Variants in TNIK observed in about 807,000 individuals in gnomAD.
TNIK encodes TRAF2 and NCK-interacting protein kinase.
In TNIK, 49 loss-of-function variants were observed where a neutral mutation model predicts 191.3. That is an observed-to-expected ratio of 0.26 (90% CI 0.20 to 0.32). TNIK has a LOEUF of 0.32. TNIK is among the 10% of genes least tolerant of loss of function. The pLI, the probability that TNIK is intolerant of heterozygous loss-of-function variation, is 1.00. For missense variants in TNIK, 1,155 were observed against 1,702.3 expected (o/e 0.68, Z 5.66); for synonymous variants, 594 against 600.9 (o/e 0.99, Z 0.17).
At chr3:171,231,447 T>A (rs528931386) in intron 2 of TNIK, among the ~76,000 whole-genome samples, 1 of 152,308 alleles carries the variant, frequency 6.6e-6, no homozygotes, top group South Asian at 2.1e-4. Context: ...GTCTGACAGC[T>A]AACTGAAAAA....
intron 3 of TNIK, among the ~76,000 whole-genome samples, chr3:171,226,421 A>C (rs1742974328): frequency 1.3e-5 from 2 of 152,166 alleles, no homozygotes; most frequent in South Asian, 4.1e-4. Flanking sequence ...AGAATGATGG[A>C]GCAGAAAGAT....
intron 10 of TNIK, among the ~76,000 whole-genome samples, chr3:171,164,456 C>G (rs1471413706): frequency 6.6e-6 from 1 of 152,216 alleles, no homozygotes; most frequent in Admixed American, 6.5e-5. Context: ...TTATGTCAAG[C>G]ATTTTAAATG....
chr3:171,394,346 T>C, intron 1 of TNIK, among the ~76,000 whole-genome samples: 1 of 152,236 alleles, frequency 6.6e-6, no homozygotes, highest in East Asian at 1.9e-4. Context: ...TCTGCTCAAG[T>C]ATTGACTACC....
chr3:171,070,750 G>T (rs898099666), intron 29 of TNIK, among the ~76,000 whole-genome samples: 1 of 152,206 alleles, frequency 6.6e-6, no homozygotes, highest in African/African-American at 2.4e-5. Flanking sequence ...GGTCATTTCT[G>T]TAAGTTAGCA....
chr3:171,261,169 C>A (rs1336523260), intron 2 of TNIK, among the ~76,000 whole-genome samples: 1 of 152,176 alleles, frequency 6.6e-6, no homozygotes, highest in Non-Finnish European at 1.5e-5. Context: ...CCACCTTCAC[C>A]CATACAAGGC....
intron 7 of TNIK, among the ~76,000 whole-genome samples, chr3:171,184,125 C>T (rs1224957312): frequency 6.6e-6 from 1 of 151,888 alleles, no homozygotes; most frequent in African/African-American, 2.4e-5. Context: ...CCATTTTATG[C>T]AGGTTTACAA....
At chr3:171,300,707 G>A (rs553365856) in intron 2 of TNIK, among the ~76,000 whole-genome samples, 6 of 152,070 alleles carry the variant, frequency 3.9e-5, no homozygotes, top group East Asian at 1.9e-4. Flanking sequence ...AAAAGAAATC[G>A]TCAAGTACTG....
intron 4 of TNIK, among the ~76,000 whole-genome samples, chr3:171,206,596 A>G (rs1740122133): frequency 1.3e-5 from 2 of 152,140 alleles, no homozygotes; most frequent in African/African-American, 4.8e-5. Flanking sequence ...GTTTTTAACA[A>G]AAACTTCCAG....
intron 1 of TNIK, among the ~76,000 whole-genome samples, chr3:171,440,697 T>C (rs1197569671): frequency 6.6e-6 from 1 of 152,184 alleles, no homozygotes; most frequent in Non-Finnish European, 1.5e-5. Context: ...TTTGTGGAGC[T>C]TATAGTCTCT....
chr3:171,351,271 A>ATGTGTGTGTGTGTG (rs1335605618), intron 2 of TNIK, among the ~76,000 whole-genome samples: 2,588 of 150,298 alleles, frequency 0.017, 91 homozygotes, highest in African/African-American at 0.061. Flanking sequence ...ATATGTATAT[A>ATGTGTGTGTGTGTG]TGTGTGTGTG....
intron 7 of TNIK, among the ~76,000 whole-genome samples, chr3:171,184,575 C>T (rs1737126122): frequency 1.3e-5 from 2 of 152,144 alleles, no homozygotes; most frequent in African/African-American, 4.8e-5. Flanking sequence ...GGTCATCTTC[C>T]TTCTGATCGA....
At chr3:171,162,228 A>T (rs575790016) in intron 10 of TNIK, among the ~76,000 whole-genome samples, 62 of 152,042 alleles carry the variant, frequency 4.1e-4, no homozygotes, top group Admixed American at 5.9e-4. Context: ...GAGACCATCT[A>T]GGCTAACACA....
chr3:171,440,325 A>C (rs991923184), intron 1 of TNIK, among the ~76,000 whole-genome samples: 2 of 151,812 alleles, frequency 1.3e-5, no homozygotes, highest in African/African-American at 4.8e-5. Flanking sequence ...CTCTATTCTA[A>C]TTTTTTTTCA....
Position 171,117,797 on chromosome 3 carries a change from C to T in TNIK, c.2120+5799G>A, listed in dbSNP as rs181403091. ...CATCCTGGCTAACAGGGTGAAACCC[C>T]GTCTCTACTAAAAATACAAAAAATT... On this transcript the variant is annotated intron_variant, in intron 18 of 32. Coordinates refer to ENST00000436636, the MANE Select transcript of TNIK (RefSeq NM_015028.4). 2.6e-5 allele frequency among the ~76,000 whole-genome samples: 4 copies of T among 152,172 alleles called. 1 individual carries two copies. Among genetic ancestry groups the T allele is most frequent in the African/African-American group, 9.6e-5 (4 of 41,508 alleles).
intron 9 of TNIK, among the ~76,000 whole-genome samples, chr3:171,171,971 G>A (rs1210924148): frequency 1.1e-4 from 16 of 152,054 alleles, no homozygotes; most frequent in Non-Finnish European, 1.5e-5. Flanking sequence ...ATTCAGTGGT[G>A]CCCTAACTTC....
At position 171,366,249 on chromosome 3, in the gene TNIK, T is replaced by A. The variant is rs1715710654; in HGVS notation, c.123+3371A>T. Among the ~76,000 whole-genome samples, 1 of 152,142 alleles carries A rather than the reference T, an allele frequency of 6.6e-6. No homozygotes were observed. The highest frequency in any genetic ancestry group is 2.4e-5 in the African/African-American group (1 of 41,436). On this transcript the variant is annotated intron_variant, in intron 2 of 32. Coordinates refer to ENST00000436636, the MANE Select transcript of TNIK (RefSeq NM_015028.4). The surrounding 1 kb of genome is among the most constrained non-coding windows in gnomAD (Gnocchi z 4.1). ...ATCACTATTCTTTATTATTTACCTA[T>A]GCTCCTCGGTAAATAAAGCAAAAAA...
chr3:171,130,367 T>C (rs1729077618), intron 15 of TNIK, among the ~76,000 whole-genome samples: 1 of 152,210 alleles, frequency 6.6e-6, no homozygotes, highest in South Asian at 2.1e-4. Context: ...ACCATGGCTG[T>C]GCAGGGTACA....
intron 2 of TNIK, among the ~76,000 whole-genome samples, chr3:171,269,585 A>C (rs539464189): frequency 6.6e-6 from 1 of 152,340 alleles, no homozygotes; most frequent in Non-Finnish European, 1.5e-5. Flanking sequence ...CTCAAAACAG[A>C]ACCACAGACA....
At chr3:171,271,175 G>A (rs1560350963) in intron 2 of TNIK, among the ~76,000 whole-genome samples, 1 of 152,178 alleles carries the variant, frequency 6.6e-6, no homozygotes, top group Non-Finnish European at 1.5e-5. Flanking sequence ...TTCAAGTTCT[G>A]CAACAATTCT....
Sources: allele counts gnomAD v4.1 joint callset (sites outside exome capture counted in the v4.1 genomes callset), GRCh38; gene constraint gnomAD v4.1.1; non-coding constraint Gnocchi (gnomAD v3.1); transcripts MANE v1.5; gene names NCBI Gene and HGNC (gene_info 2026-07-23, HGNC 2026-07-21).